Variants in FARS2 observed in about 807,000 individuals in gnomAD.
FARS2 encodes phenylalanyl-tRNA synthetase 2, mitochondrial, also known as phenylalanine--tRNA ligase, mitochondrial.
Under a neutral mutation model 46.4 loss-of-function variants are expected in FARS2, and 40 were observed. The observed-to-expected ratio is 0.86, with a 90% CI of 0.67 to 1.12. FARS2 has a LOEUF of 1.12. Ranked by LOEUF, FARS2 falls within the 50% of genes most tolerant of loss-of-function variation. The pLI is 0.00. For missense variants in FARS2, 513 were observed against 567.9 expected, an observed-to-expected ratio of 0.90 and a Z score of 0.98; for synonymous variants, 234 against 214.9, an observed-to-expected ratio of 1.09 and a Z score of -0.78.
At chr6:5,390,240 T>C (rs113085372) in intron 2 of FARS2, among the ~76,000 whole-genome samples, 3,590 of 152,298 alleles carry the variant, frequency 0.024, 137 homozygotes, top group African/African-American at 0.082. Context: ...TTGCTTTCTT[T>C]CCCTGTGAGG....
intron 2 of FARS2, among the ~76,000 whole-genome samples, chr6:5,378,346 G>A (rs1242037554): frequency 1.3e-5 from 2 of 152,110 alleles, no homozygotes; most frequent in Admixed American, 6.5e-5. Flanking sequence ...GGAGTGAGGC[G>A]CTTCTTTTTG....
chr6:5,277,203 TG>T (rs1453242290), intron 1 of FARS2, among the ~76,000 whole-genome samples: 11 of 148,038 alleles, frequency 7.4e-5, no homozygotes, highest in Admixed American at 2.0e-4. Flanking sequence ...TTCACAGTTT[TG>T]TTTTTTTTTT....
intron 4 of FARS2, among the ~76,000 whole-genome samples, chr6:5,528,369 A>G (rs1174571355): frequency 1.3e-5 from 2 of 152,278 alleles, no homozygotes; most frequent in Middle Eastern, 3.4e-3. Flanking sequence ...TTAAGACCAT[A>G]CTTGACTGAC....
chr6:5,250,642 G>C, the FARS2 span, among the ~76,000 whole-genome samples: 5 of 152,178 alleles, frequency 3.3e-5, no homozygotes, highest in African/African-American at 1.2e-4. Flanking sequence ...GAGCATTGTT[G>C]AAGAGGTCAG....
intron 4 of FARS2, among the ~76,000 whole-genome samples, chr6:5,477,149 A>G (rs1766171046): frequency 6.6e-6 from 1 of 152,206 alleles, no homozygotes; most frequent in African/African-American, 2.4e-5. Context: ...TTATGTGCCT[A>G]TCATAATAAT....
At chr6:5,273,298 G>A (rs1027942817) in intron 1 of FARS2, among the ~76,000 whole-genome samples, 3 of 152,088 alleles carry the variant, frequency 2.0e-5, no homozygotes, top group African/African-American at 7.2e-5. Flanking sequence ...AGTTTACAGG[G>A]GTTCCCCTTT....
intron 1 of FARS2, among the ~76,000 whole-genome samples, chr6:5,323,507 C>T (rs1002561844): frequency 6.6e-6 from 1 of 152,186 alleles, no homozygotes; most frequent in African/African-American, 2.4e-5. Flanking sequence ...TCAGATTATA[C>T]AATTAGAGAC....
At chr6:5,638,401 C>T (rs1232892462) in intron 6 of FARS2, among the ~76,000 whole-genome samples, 1 of 152,116 alleles carries the variant, frequency 6.6e-6, no homozygotes, top group Admixed American at 6.5e-5. Flanking sequence ...CCCATCTCTA[C>T]TAAAAATACA....
chr6:5,587,654 G>A (rs1773690490), intron 5 of FARS2, among the ~76,000 whole-genome samples: 2 of 152,144 alleles, frequency 1.3e-5, no homozygotes, highest in African/African-American at 4.8e-5. Context: ...AGAATCTTAT[G>A]AAAGAAACCT....
At chr6:5,530,209 C>T (rs1769736282) in intron 4 of FARS2, among the ~76,000 whole-genome samples, 1 of 152,124 alleles carries the variant, frequency 6.6e-6, no homozygotes, top group African/African-American at 2.4e-5. Flanking sequence ...AGTGTTACAG[C>T]TGGGGTCCAG....
intron 3 of FARS2, among the ~76,000 whole-genome samples, chr6:5,425,958 A>G (rs984874200): frequency 1.3e-5 from 2 of 152,184 alleles, no homozygotes; most frequent in African/African-American, 2.4e-5. Flanking sequence ...CTCAAAGAGG[A>G]TAAGTAAGCT....
At chr6:5,342,077 G>C (rs1771697541) in intron 1 of FARS2, among the ~76,000 whole-genome samples, 2 of 152,170 alleles carry the variant, frequency 1.3e-5, no homozygotes, top group Non-Finnish European at 2.9e-5. Flanking sequence ...GTAGAAGAGG[G>C]AACTGAGACC....
At chr6:5,298,744 G>A (rs1264869350) in intron 1 of FARS2, among the ~76,000 whole-genome samples, 1 of 151,742 alleles carries the variant, frequency 6.6e-6, no homozygotes, top group Non-Finnish European at 1.5e-5. Context: ...CTTGTTCTTT[G>A]GGCTTTAAAT....
chr6:5,719,273 C>T (rs1001039910), intron 6 of FARS2, among the ~76,000 whole-genome samples: 2 of 151,346 alleles, frequency 1.3e-5, no homozygotes, highest in Non-Finnish European at 2.9e-5. Context: ...GTCCCAGCTA[C>T]TTGGGAGGCT....
intron 5 of FARS2, among the ~76,000 whole-genome samples, chr6:5,595,554 G>T (rs1338585738): frequency 6.6e-6 from 1 of 152,148 alleles, no homozygotes; most frequent in African/African-American, 2.4e-5. Context: ...ATGGTTAATA[G>T]AACGAGGGAG....
At position 5,284,286 on chromosome 6, in the gene FARS2, C is replaced by G. The variant is rs542373144; in HGVS notation, c.-22+22626C>G. Among the ~76,000 whole-genome samples the G allele has an allele frequency of 5.3e-5, 8 of 152,236 alleles. No homozygotes were observed. The East Asian group carries it at 1.5e-3, about 29-fold the overall frequency. On this transcript the variant is annotated intron_variant, in intron 1 of 6. Coordinates refer to ENST00000274680, the MANE Select transcript of FARS2 (RefSeq NM_006567.5). Reference sequence around the variant, plus strand: ...TGATGGTTTCTCATAAATCACTATTCTGGAGTTTTGGTGGATATATTAAGG... The same window carrying G: ...TGATGGTTTCTCATAAATCACTATTGTGGAGTTTTGGTGGATATATTAAGG...
At chr6:5,677,898 A>G (rs866233683) in intron 6 of FARS2, among the ~76,000 whole-genome samples, 108 of 152,344 alleles carry the variant, frequency 7.1e-4, no homozygotes, top group African/African-American at 2.2e-3. Flanking sequence ...GAGTGAATGA[A>G]TCAGTCTGTC....
chr6:5,500,660 C>G (rs1251630995), intron 4 of FARS2, among the ~76,000 whole-genome samples: 1 of 152,092 alleles, frequency 6.6e-6, no homozygotes, highest in Non-Finnish European at 1.5e-5. Flanking sequence ...TGGAGTTAGA[C>G]AAACCTAGGT....
intron 5 of FARS2, among the ~76,000 whole-genome samples, chr6:5,600,567 T>C (rs1774450745): frequency 1.4e-5 from 2 of 143,422 alleles, no homozygotes; most frequent in South Asian, 4.6e-4. Flanking sequence ...AATGAATAGA[T>C]GGAATTAAAA....
Sources: gnomAD v4.1 joint callset for allele counts (sites outside exome capture counted in the v4.1 genomes callset) on GRCh38, gnomAD v4.1.1 for gene constraint, MANE v1.5 for transcripts, NCBI Gene and HGNC (gene_info 2026-07-23, HGNC 2026-07-21) for gene names.